The following MTF1 variants were observed in gnomAD, a reference collection of about 807,000 sequenced individuals.
MTF1 encodes MRE-binding transcription factor.
Under a neutral mutation model 70.4 loss-of-function variants are expected in MTF1, and 22 were observed. The observed-to-expected ratio is 0.31, with a 90% confidence interval of 0.22 to 0.45. The LOEUF (loss-of-function observed/expected upper bound fraction) is 0.45. Ranked by LOEUF, MTF1 falls within the 20% of genes least tolerant of loss-of-function variation. The probability of loss-of-function intolerance (pLI) is 1.00; values close to 1 mark genes in which losing one functional copy is unlikely to be tolerated. For synonymous variants in MTF1, 333 were observed against 352.8 expected (o/e 0.94, Z 0.63); for missense variants, 649 against 922.0 (o/e 0.70, Z 3.83).
intron 7 of MTF1, among the ~76,000 whole-genome samples, chr1:37,827,271 C>G (rs1360320775): frequency 2.0e-5 from 3 of 151,600 alleles, no homozygotes; most frequent in Admixed American, 6.6e-5. Flanking sequence ...AAGGTGCAAT[C>G]CAGTTTGAAA....
chr1:37,857,436 C>G lies in MTF1; in HGVS notation c.223G>C (p.Val75Leu), dbSNP rs375055503. ...GQCGEHLPFL[V>L]GGEEGFHLID... is the part of the protein sequence containing the mutation. ...AGGTGAAAGCCCTCTTCACCCCCTA[C>G]TAGAAAAGGCAAGTGTTCTCCGCAC... is the stretch of plus-strand genomic sequence containing the variant. The change falls in exon 2 of 11, where the codon GTA becomes CTA. Residue 75 changes from valine (V) to leucine (L), a missense_variant. Transcript: ENST00000373036. 6 of 1,614,062 alleles carry G rather than the reference C, an allele frequency of 3.7e-6. No individual in the cohort carries two copies. In the African/African-American group the frequency reaches 8.0e-5, roughly 22 times the overall value.
At chr1:37,849,363 T>G (rs1022197026) in intron 2 of MTF1, among the ~76,000 whole-genome samples, 1 of 151,592 alleles carries the variant, frequency 6.6e-6, no homozygotes. Flanking sequence ...GAGGCGGAGG[T>G]TGCAGTGAGC....
intron 7 of MTF1, among the ~76,000 whole-genome samples, chr1:37,829,657 C>T (rs1016245497): frequency 5.3e-5 from 8 of 151,816 alleles, no homozygotes; most frequent in African/African-American, 1.9e-4. Context: ...TGGTGGCGGG[C>T]GCCTGTAGGC....
chr1:37,838,724 T>C lies in MTF1; in HGVS notation c.680A>G (p.Lys227Arg). Residue 227 changes from lysine (K) to arginine (R), a missense_variant, in exon 4 of 11, where the codon AAA becomes AGA. This residue lies in a region of MTF1 where 118 missense variants were observed against 287.2 expected (regional missense o/e 0.41). Transcript: ENST00000373036. ...GCCTTCAGATTCACAGTTAAACGTTTTCCCTGTGTGAAGCCTCTGATGTGC... is the reference window on the plus strand; with the variant it reads ...GCCTTCAGATTCACAGTTAAACGTTCTCCCTGTGTGAAGCCTCTGATGTGC... ...LKAHQRLHTG[K>R]TFNCESEGCS... 2 of 1,608,350 alleles carry C rather than the reference T, an allele frequency of 1.2e-6. No individual in the cohort carries two copies. Among genetic ancestry groups the C allele is most frequent in the Non-Finnish European group, 1.7e-6 (2 of 1,176,280 alleles).
chr1:37,849,510 G>A (rs1460861712), intron 2 of MTF1, among the ~76,000 whole-genome samples: 1 of 152,002 alleles, frequency 6.6e-6, no homozygotes, highest in Non-Finnish European at 1.5e-5. Context: ...GAATACTTTG[G>A]TGCATCATGT....
intron 1 of MTF1, chr1:37,858,399 G>A (rs1375461586): frequency 6.6e-6 from 1 of 152,106 alleles, no homozygotes; most frequent in East Asian, 1.9e-4. Flanking sequence ...TTCTCTCAAA[G>A]TTTTTATAAG....
At chr1:37,822,738 A>AAT in intron 8 of MTF1, 22 bp from the exon 9 acceptor site, 5 of 1,546,874 alleles carry the variant, frequency 3.2e-6, no homozygotes, top group Non-Finnish European at 4.4e-6. Context: ...AAGAAATAGA[A>AAT]ATATATATAC....
chr1:37,855,594 G>A (rs1320604738), intron 2 of MTF1, among the ~76,000 whole-genome samples: 1 of 152,144 alleles, frequency 6.6e-6, no homozygotes, highest in African/African-American at 2.4e-5. Context: ...CCCTATTTCT[G>A]TTTGGTAACA....
chr1:37,835,720 T>C lies in MTF1; in HGVS notation c.804A>G (p.Lys268=). 6.2e-7 allele frequency: 1 copy of C among 1,614,132 alleles called. No individual in the cohort carries two copies. Among genetic ancestry groups the C allele is most frequent in the Non-Finnish European group, 8.5e-7 (1 of 1,179,984 alleles). ...PFRCDHDGCG[K]AFAASHHLKT... is the part of the protein sequence containing the mutation. The stretch of plus-strand genomic sequence containing the variant: ...TAAGGTGGTGGCTTGCTGCAAATGC[T>C]TTTCCACAGCCATCGTGATCGCACC... Residue 268 remains lysine (K), a synonymous_variant, in exon 5 of 11, where the codon AAA becomes AAG. Coordinates refer to ENST00000373036, the MANE Select transcript of MTF1 (RefSeq NM_005955.3).
In MTF1 at chr1:37,822,672, CACTG is replaced by C. The variant is rs1365002549; in HGVS notation, c.1212_1215del (p.Ser405MetfsTer44). On this transcript the variant is annotated frameshift_variant, in exon 9 of 11. Coordinates refer to ENST00000373036, the MANE Select transcript of MTF1 (RefSeq NM_005955.3). LOFTEE classifies it high-confidence loss of function. ...GAATTTCCTGTGGATGGCGGAACATCACTGACTGACTCTGCATCACCATTAAAAC... is the reference window on the plus strand; with the variant it reads ...GAATTTCCTGTGGATGGCGGAACATCACTGACTCTGCATCACCATTAAAAC... 6.2e-7 allele frequency: 1 copy of C among 1,613,482 alleles called. No individual in the cohort carries two copies.
chr1:37,846,948 A>G (rs1376375084), intron 2 of MTF1, among the ~76,000 whole-genome samples: 1 of 152,154 alleles, frequency 6.6e-6, no homozygotes, highest in African/African-American at 2.4e-5. Context: ...TGTTATGGCT[A>G]TAGAAACTGC....
intron 7 of MTF1, among the ~76,000 whole-genome samples, chr1:37,826,289 T>TC (rs775387141): frequency 3.8e-4 from 58 of 152,182 alleles, no homozygotes; most frequent in Non-Finnish European, 7.1e-4. Flanking sequence ...AATTCTTCTT[T>TC]TCCCCCCCTT....
At chr1:37,842,722 A>AT (rs948775529) in intron 2 of MTF1, among the ~76,000 whole-genome samples, 40 of 148,918 alleles carry the variant, frequency 2.7e-4, no homozygotes, top group Middle Eastern at 7.0e-3. Flanking sequence ...GTTCAACATA[A>AT]TTTTTTTTTT....
At position 37,854,410 on chromosome 1, in the gene MTF1, T is replaced by C. The variant is rs1641460187; in HGVS notation, c.408+2841A>G. 2.6e-5 allele frequency among the ~76,000 whole-genome samples: 4 copies of C among 152,342 alleles called. No homozygotes were observed. The South Asian group carries it at 8.3e-4, about 32-fold the overall frequency. ...AATAATCTAGAGCAGGGTTTCTCAA[T>C]CCCAGCACTATCACTATTTTGGGCC... On this transcript the variant is annotated intron_variant, in intron 2 of 10. Transcript: ENST00000373036.
chr1:37,854,588 G>A (rs1053752248), intron 2 of MTF1, among the ~76,000 whole-genome samples: 3 of 152,156 alleles, frequency 2.0e-5, no homozygotes, highest in Non-Finnish European at 2.9e-5. Context: ...AAAGCTGCCC[G>A]CAGTTAAGAA....
At chr1:37,845,335 C>T (rs555375965) in intron 2 of MTF1, among the ~76,000 whole-genome samples, 3 of 152,142 alleles carry the variant, frequency 2.0e-5, no homozygotes, top group South Asian at 4.1e-4. Context: ...ATTGCCTCAG[C>T]ACAACCAGCT....
chr1:37,855,238 G>A (rs1283633556), intron 2 of MTF1, among the ~76,000 whole-genome samples: 1 of 152,158 alleles, frequency 6.6e-6, no homozygotes, highest in Non-Finnish European at 1.5e-5. Context: ...TGTTCTGTGG[G>A]AGAAAGTTTA....
chr1:37,838,534 G>T, intron 4 of MTF1, 91 bp downstream of exon 4: 1 of 1,134,092 alleles, frequency 8.8e-7, no homozygotes, highest in East Asian at 2.5e-5. Flanking sequence ...CTAGTAAAGG[G>T]AGTTTTCTTT....
chr1:37,842,730 T>G (rs928586560), intron 2 of MTF1, among the ~76,000 whole-genome samples: 4 of 152,198 alleles, frequency 2.6e-5, no homozygotes, highest in African/African-American at 9.7e-5. Context: ...TAATTTTTTT[T>G]TTTGTTTGAG....
Sources: gnomAD v4.1 joint callset for allele counts (sites outside exome capture counted in the v4.1 genomes callset) on GRCh38, gnomAD v4.1.1 for gene constraint, gnomAD v4.1.1 regional missense constraint, MANE v1.5 for transcripts, NCBI Gene and HGNC (gene_info 2026-07-23, HGNC 2026-07-21) for gene names.